The following KRAS variants were observed in gnomAD, a reference collection of about 807,000 sequenced individuals.
KRAS encodes the protein KRas proto-oncogene, GTPase, also known as GTPase KRas.
Under a neutral mutation model 21.0 loss-of-function variants are expected in KRAS, and 1 was observed. The ratio of observed to expected loss-of-function variants is 0.05; its 90% confidence interval spans 0.02 to 0.23. The LOEUF (loss-of-function observed/expected upper bound fraction) is 0.23. KRAS is among the 10% of genes least tolerant of loss of function. The pLI is 1.00. For missense variants in KRAS, 107 were observed against 221.8 expected, an observed-to-expected ratio of 0.48 and a Z score of 3.29; for synonymous variants, 67 against 72.5, an observed-to-expected ratio of 0.92 and a Z score of 0.39.
At chr12:25,222,512 CATA>C (rs1239505013) in intron 4 of KRAS, among the ~76,000 whole-genome samples, 5 of 152,154 alleles carry the variant, frequency 3.3e-5, no homozygotes, top group East Asian at 1.9e-4. Flanking sequence ...ACATAAATTA[CATA>C]ATAACATCAG....
intron 4 of KRAS, among the ~76,000 whole-genome samples, chr12:25,222,030 T>C (rs1238828140): frequency 6.6e-6 from 1 of 151,774 alleles, no homozygotes; most frequent in Non-Finnish European, 1.5e-5. Flanking sequence ...GTGCCTGTAG[T>C]CCCAGCTACT....
At chr12:25,239,652 T>C (rs996990197) in intron 2 of KRAS, among the ~76,000 whole-genome samples, 1 of 152,206 alleles carries the variant, frequency 6.6e-6, no homozygotes, top group African/African-American at 2.4e-5. Context: ...TAGTTAACTC[T>C]TGATTTCTTA....
At chr12:25,218,361 G>A (rs953413482) in intron 4 of KRAS, among the ~76,000 whole-genome samples, 5 of 152,100 alleles carry the variant, frequency 3.3e-5, no homozygotes, top group African/African-American at 9.7e-5. Context: ...CAATATGAAT[G>A]TGTCTACTTT....
chr12:25,246,038 C>T (rs17329975), intron 1 of KRAS, among the ~76,000 whole-genome samples: 6,033 of 150,136 alleles, frequency 0.04, 162 homozygotes, highest in Non-Finnish European at 0.059. Flanking sequence ...CAATATTTGA[C>T]GACATTTTAA....
intron 4 of KRAS, among the ~76,000 whole-genome samples, chr12:25,213,879 G>T (rs917432462): frequency 1.3e-5 from 2 of 152,134 alleles, no homozygotes; most frequent in African/African-American, 4.8e-5. Flanking sequence ...ACGAAAATGA[G>T]AATTCCACGC....
At chr12:25,246,076 G>A (rs1411310265) in intron 1 of KRAS, among the ~76,000 whole-genome samples, 1 of 149,262 alleles carries the variant, frequency 6.7e-6, no homozygotes, top group Non-Finnish European at 1.5e-5. Context: ...GGGAAAATAG[G>A]AGTCCGAGGT....
chr12:25,236,113 G>A (rs1217917621), intron 2 of KRAS, among the ~76,000 whole-genome samples: 1 of 152,030 alleles, frequency 6.6e-6, no homozygotes, highest in Admixed American at 6.6e-5. Flanking sequence ...GGATCTCTAA[G>A]GCTTAGAGGC....
intron 2 of KRAS, among the ~76,000 whole-genome samples, chr12:25,242,831 T>A (rs1232003213): frequency 1.3e-5 from 2 of 152,184 alleles, no homozygotes; most frequent in South Asian, 4.1e-4. Flanking sequence ...TCAGAGAATT[T>A]AAATTGAAAT....
chr12:25,222,454 A>G (rs996771058), intron 4 of KRAS, among the ~76,000 whole-genome samples: 2 of 152,150 alleles, frequency 1.3e-5, no homozygotes, highest in African/African-American at 4.8e-5. Flanking sequence ...TTTAATAATA[A>G]AAGGAAATCA....
Position 25,208,381 on chromosome 12 carries a change from TTTTTA to T in KRAS, c.*1409_*1413del, listed in dbSNP as rs1216972367. On this transcript the variant is annotated 3_prime_UTR_variant, in exon 5 of 5. Transcript: ENST00000311936. ...AAATTTATCAAAAGGATTGTTTTTA[TTTTTA>T]TTTTAAAGCATTATTAAATATGGAT... is the stretch of plus-strand genomic sequence containing the variant. The T allele has an allele frequency of 1.3e-5, 3 of 233,004 alleles. No individual in the cohort carries two copies. The highest frequency in any genetic ancestry group is 2.5e-5 in the Non-Finnish European group (3 of 117,758). The allele number at this position is 233,004 out of a possible 1,614,324, so 14.4% of individuals were successfully genotyped here.
In KRAS at chr12:25,225,598, T is replaced by C. The variant is rs1555193834; in HGVS notation, c.450+16A>G. 8.1e-6 allele frequency: 13 copies of C among 1,611,546 alleles called. No homozygotes were observed. Among genetic ancestry groups the C allele is most frequent in the Non-Finnish European group, 1.0e-5 (12 of 1,178,516 alleles). ...TTTGCAGAAAACAGATCTGTATTTA[T>C]TTCAGTGTTACTTACCTGTCTTGTC... On this transcript the variant is annotated intron_variant, in intron 4 of 4. Transcript: ENST00000311936.
chr12:25,224,639 G>A (rs1038077187), intron 4 of KRAS, among the ~76,000 whole-genome samples: 2 of 152,028 alleles, frequency 1.3e-5, no homozygotes, highest in Non-Finnish European at 2.9e-5. Flanking sequence ...TAAACTTAGG[G>A]TAGCCCAAGT....
At chr12:25,249,076 T>C (rs1205757071) in intron 1 of KRAS, among the ~76,000 whole-genome samples, 1 of 152,174 alleles carries the variant, frequency 6.6e-6, no homozygotes, top group East Asian at 1.9e-4. Flanking sequence ...TGTATAACAA[T>C]TAGAAAACCT....
Position 25,221,268 on chromosome 12 carries a change from G to C in KRAS, c.450+4346C>G, listed in dbSNP as rs61762421. 9.1e-3 allele frequency among the ~76,000 whole-genome samples: 1,352 copies of C among 147,994 alleles called. 16 individuals are homozygous for C. The highest frequency in any genetic ancestry group is 0.032 in the African/African-American group (1,282 of 40,086). ...TTTTTTTTGAGACAGAGTCTCGCTC[G>C]GTCGTCCAGGCTGGTGTGCACTGGC... On this transcript the variant is annotated intron_variant, in intron 4 of 4. Coordinates refer to ENST00000311936, the MANE Select transcript of KRAS (RefSeq NM_004985.5).
intron 4 of KRAS, among the ~76,000 whole-genome samples, chr12:25,221,581 T>A (rs887391004): frequency 9.9e-5 from 15 of 152,160 alleles, no homozygotes; most frequent in African/African-American, 3.6e-4. Flanking sequence ...ATTTTTGCAT[T>A]TTAAAGGGTC....
intron 2 of KRAS, among the ~76,000 whole-genome samples, chr12:25,242,511 G>A (rs188785119): frequency 5.9e-4 from 89 of 152,102 alleles, no homozygotes; most frequent in African/African-American, 2.0e-3. Context: ...CCCTAATAAC[G>A]AGGTATTTCA....
chr12:25,248,556 C>T (rs1951718147), intron 1 of KRAS, among the ~76,000 whole-genome samples: 1 of 151,468 alleles, frequency 6.6e-6, no homozygotes, highest in South Asian at 2.1e-4. Context: ...TATATGAATT[C>T]AGAGCCACAT....
intron 2 of KRAS, chr12:25,233,883 CAT>C (rs1239172482): frequency 5.2e-6 from 1 of 191,672 alleles, no homozygotes; most frequent in African/African-American, 2.3e-5. Flanking sequence ...AAGCAGTTAA[CAT>C]AAATACAATT....
At chr12:25,238,582 G>A (rs1951571912) in intron 2 of KRAS, among the ~76,000 whole-genome samples, 1 of 151,974 alleles carries the variant, frequency 6.6e-6, no homozygotes, top group Non-Finnish European at 1.5e-5. Context: ...TTTTCCCCCA[G>A]CCCAATGGTA....
Sources: allele counts gnomAD v4.1 joint callset (sites outside exome capture counted in the v4.1 genomes callset), GRCh38; gene constraint gnomAD v4.1.1; transcripts MANE v1.5; gene names NCBI Gene and HGNC (gene_info 2026-07-23, HGNC 2026-07-21).